FMN1: variants seen among roughly 807,000 people sequenced by gnomAD.
FMN1 encodes formin-1.
A neutral mutation model predicts 132.4 loss-of-function variants in FMN1; 110 were observed. The observed-to-expected ratio is 0.83, with a 90% CI of 0.71 to 0.97. The LOEUF is 0.97. Ranked by LOEUF, FMN1 falls within the 50% of genes least tolerant of loss-of-function variation. The pLI is 0.00. For synonymous variants in FMN1, 722 were observed against 651.7 expected (o/e 1.11, Z -1.64); for missense variants, 1,792 against 1,705.3 (o/e 1.05, Z -0.90).
intron 10 of FMN1, among the ~76,000 whole-genome samples, chr15:32,914,334 C>T (rs867288517): frequency 4.6e-5 from 7 of 152,096 alleles, no homozygotes; most frequent in Non-Finnish European, 7.4e-5. Context: ...GTATGCAATA[C>T]GTGCCAGTGA....
At chr15:33,075,222 C>A (rs1013882039) in intron 5 of FMN1, among the ~76,000 whole-genome samples, 2 of 151,960 alleles carry the variant, frequency 1.3e-5, no homozygotes, top group African/African-American at 4.8e-5. Flanking sequence ...GTTTGGCCCT[C>A]ATTAATAACC....
At chr15:32,889,599 G>A (rs1164728655) in intron 15 of FMN1, among the ~76,000 whole-genome samples, 1 of 152,014 alleles carries the variant, frequency 6.6e-6, no homozygotes, top group African/African-American at 2.4e-5. Flanking sequence ...TCTATAAAAT[G>A]GTCCCTTTCC....
At chr15:33,174,839 C>T (rs2140328540) in intron 3 of FMN1, among the ~76,000 whole-genome samples, 1 of 152,232 alleles carries the variant, frequency 6.6e-6, no homozygotes, top group South Asian at 2.1e-4. Flanking sequence ...GAAATCTTTC[C>T]GCATTTCACA....
Position 33,096,119 on chromosome 15 carries a change from G to A in FMN1, c.1868-7145C>T, listed in dbSNP as rs115794043. ...CCTTGCAACATAGTGAGAATGAAAG[G>A]ACATTCTTTATTTCATTCCTATCAT... On this transcript the variant is annotated intron_variant, in intron 4 of 20. Coordinates refer to ENST00000616417, the MANE Select transcript of FMN1 (RefSeq NM_001277313.2). Among the ~76,000 whole-genome samples, 779 of 152,094 alleles carry A rather than the reference G, an allele frequency of 5.1e-3. 5 individuals carry two copies. The highest frequency in any genetic ancestry group is 0.018 in the African/African-American group (730 of 41,498).
intron 6 of FMN1, chr15:33,012,165 GCTC>G (rs2034765683): frequency 5.6e-6 from 3 of 533,688 alleles, no homozygotes; most frequent in South Asian, 3.7e-5. Context: ...AGCTGTGGAA[GCTC>G]CTCATCAGAG....
At chr15:32,983,020 C>T (rs73372984) in intron 7 of FMN1, among the ~76,000 whole-genome samples, 3 of 152,066 alleles carry the variant, frequency 2.0e-5, no homozygotes, top group South Asian at 2.1e-4. Context: ...ATATATTTTA[C>T]GTATACACGC....
chr15:32,944,565 T>C (rs139551450), intron 9 of FMN1, among the ~76,000 whole-genome samples: 1,862 of 152,290 alleles, frequency 0.012, 23 homozygotes, highest in Middle Eastern at 0.082. Context: ...TAAAATTGCT[T>C]GGATGAAGTT....
chr15:32,790,201 G>A (rs1042743872), intron 19 of FMN1, among the ~76,000 whole-genome samples: 3 of 152,152 alleles, frequency 2.0e-5, no homozygotes, highest in East Asian at 1.9e-4. Flanking sequence ...TCCTCCAAAC[G>A]CATGTTCAGT....
intron 17 of FMN1, among the ~76,000 whole-genome samples, chr15:32,822,880 G>C (rs572288268): frequency 8.5e-5 from 13 of 152,054 alleles, no homozygotes; most frequent in Non-Finnish European, 1.9e-4. Flanking sequence ...TGTTTTTTCA[G>C]GTGTAAATTC....
chr15:33,067,681 T>C (rs1182560985), intron 5 of FMN1: 4 of 1,613,876 alleles, frequency 2.5e-6, no homozygotes, highest in East Asian at 2.2e-5. Context: ...CCTGCTGAGA[T>C]GTGGGATTCA....
At chr15:33,045,477 T>C (rs1202881806) in intron 6 of FMN1, among the ~76,000 whole-genome samples, 1 of 152,216 alleles carries the variant, frequency 6.6e-6, no homozygotes, top group African/African-American at 2.4e-5. Context: ...CTGGACCCAC[T>C]TGTCTCCTTT....
At chr15:33,045,904 C>T (rs946303476) in intron 6 of FMN1, among the ~76,000 whole-genome samples, 3 of 152,196 alleles carry the variant, frequency 2.0e-5, no homozygotes, top group South Asian at 4.1e-4. Flanking sequence ...TCCCTTCTGC[C>T]TGCCTTGGCA....
intron 6 of FMN1, among the ~76,000 whole-genome samples, chr15:33,019,413 A>G (rs2035287312): frequency 6.6e-6 from 1 of 152,194 alleles, no homozygotes. Flanking sequence ...TCAGGAGCCC[A>G]GCTGGCTTCA....
At chr15:33,050,157 A>G (rs1288982103) in intron 6 of FMN1, among the ~76,000 whole-genome samples, 1 of 152,218 alleles carries the variant, frequency 6.6e-6, no homozygotes, top group Non-Finnish European at 1.5e-5. Context: ...GATGTTCAGT[A>G]GGTTAGGCGT....
intron 2 of FMN1, among the ~76,000 whole-genome samples, chr15:33,182,755 A>T (rs964784404): frequency 6.6e-6 from 1 of 152,136 alleles, no homozygotes; most frequent in Non-Finnish European, 1.5e-5. Flanking sequence ...ACAGAGCCCA[A>T]CCACAAATGT....
chr15:32,848,207 C>T (rs1284481529), intron 17 of FMN1, among the ~76,000 whole-genome samples: 2 of 152,090 alleles, frequency 1.3e-5, no homozygotes, highest in African/African-American at 4.8e-5. Context: ...ATGTTACATA[C>T]CTAATAATAA....
chr15:32,806,399 T>A (rs2057682296), intron 17 of FMN1, among the ~76,000 whole-genome samples: 1 of 152,224 alleles, frequency 6.6e-6, no homozygotes, highest in Admixed American at 6.5e-5. Flanking sequence ...CTGTAAAGAT[T>A]TAATGAGATA....
At chr15:32,838,075 C>T (rs1319146989) in intron 17 of FMN1, among the ~76,000 whole-genome samples, 8 of 152,036 alleles carry the variant, frequency 5.3e-5, no homozygotes, top group African/African-American at 1.9e-4. Context: ...AAGGGATGAA[C>T]AACCACAATA....
At chr15:32,881,076 A>T (rs974466917) in intron 16 of FMN1, among the ~76,000 whole-genome samples, 3 of 145,556 alleles carry the variant, frequency 2.1e-5, no homozygotes, top group African/African-American at 7.4e-5. Context: ...TTGTTTTTGC[A>T]TATTTTTTGT....
Sources: gnomAD v4.1 joint callset for allele counts (sites outside exome capture counted in the v4.1 genomes callset) on GRCh38, gnomAD v4.1.1 for gene constraint, MANE v1.5 for transcripts, NCBI Gene and HGNC (gene_info 2026-07-23, HGNC 2026-07-21) for gene names.